Variants in HDAC9 observed in about 807,000 individuals in gnomAD.
HDAC9 encodes the protein histone deacetylase 9.
Under a neutral mutation model 139.4 loss-of-function variants are expected in HDAC9, and 41 were observed. The ratio of observed to expected loss-of-function variants is 0.29; its 90% confidence interval spans 0.23 to 0.38. HDAC9 has a LOEUF of 0.38. HDAC9 is among the 10% of genes least tolerant of loss of function. The pLI is 1.00. For synonymous variants in HDAC9, 517 were observed against 476.2 expected, an observed-to-expected ratio of 1.09 and a Z score of -1.12; for missense variants, 1,147 against 1,297.0, an observed-to-expected ratio of 0.88 and a Z score of 1.78.
At chr7:18,583,382 TAC>T (rs1828420554) in intron 2 of HDAC9, among the ~76,000 whole-genome samples, 8 of 152,062 alleles carry the variant, frequency 5.3e-5, no homozygotes, top group Admixed American at 4.6e-4. Flanking sequence ...TGAAAACTGG[TAC>T]ATGTAAAGAC....
chr7:18,739,772 G>A (rs930546681), intron 13 of HDAC9, among the ~76,000 whole-genome samples: 27 of 152,246 alleles, frequency 1.8e-4, no homozygotes, highest in Admixed American at 5.2e-4. Context: ...CTCAAATGCC[G>A]TGCTGGGAGA....
intron 11 of HDAC9, among the ~76,000 whole-genome samples, chr7:18,655,125 G>GT (rs889471441): frequency 6.6e-6 from 1 of 152,136 alleles, no homozygotes; most frequent in African/African-American, 2.4e-5. Context: ...AAAATGCCTT[G>GT]TTTTATGTTT....
intron 1 of HDAC9, among the ~76,000 whole-genome samples, chr7:18,107,061 G>A (rs991182164): frequency 1.6e-4 from 25 of 152,160 alleles, no homozygotes; most frequent in African/African-American, 5.3e-4. Flanking sequence ...TAAATAAAAT[G>A]TAGTGGACTG....
chr7:18,171,918 G>C (rs188204999), intron 2 of HDAC9, among the ~76,000 whole-genome samples: 15 of 152,088 alleles, frequency 9.9e-5, no homozygotes, highest in South Asian at 4.1e-4. Flanking sequence ...TTTTTGTTGC[G>C]TCTCTGACAG....
intron 6 of HDAC9, among the ~76,000 whole-genome samples, chr7:18,608,410 C>T (rs1320490806): frequency 6.6e-6 from 1 of 151,998 alleles, no homozygotes; most frequent in Non-Finnish European, 1.5e-5. Context: ...TGTGTATCAG[C>T]CTCCTGTTTT....
At chr7:18,284,434 C>G (rs796988609) in intron 2 of HDAC9, among the ~76,000 whole-genome samples, 1 of 152,096 alleles carries the variant, frequency 6.6e-6, no homozygotes, top group Non-Finnish European at 1.5e-5. Context: ...CAGTTGTGTG[C>G]TTTTACCCAA....
chr7:18,798,278 T>A (rs1181166995), intron 17 of HDAC9, among the ~76,000 whole-genome samples: 3 of 152,164 alleles, frequency 2.0e-5, no homozygotes, highest in African/African-American at 7.2e-5. Flanking sequence ...TCAAAAATTC[T>A]TTTCTCCATA....
chr7:18,473,484 A>G (rs936770851), intron 1 of HDAC9, among the ~76,000 whole-genome samples: 4 of 152,238 alleles, frequency 2.6e-5, no homozygotes, highest in African/African-American at 9.6e-5. Context: ...TTCACAGCCC[A>G]GGTGCACATG....
intron 2 of HDAC9, among the ~76,000 whole-genome samples, chr7:18,503,590 T>A (rs1238726190): frequency 6.6e-6 from 1 of 152,220 alleles, no homozygotes; most frequent in Non-Finnish European, 1.5e-5. Flanking sequence ...GGGCTTTTCG[T>A]GTACAGTGTT....
At chr7:18,951,968 G>A (rs1203885957) in intron 23 of HDAC9, among the ~76,000 whole-genome samples, 3 of 151,750 alleles carry the variant, frequency 2.0e-5, no homozygotes, top group East Asian at 1.9e-4. Flanking sequence ...CCAACGGAGA[G>A]AATATTATCC....
chr7:18,708,393 G>A (rs1478123686), intron 12 of HDAC9, among the ~76,000 whole-genome samples: 3 of 152,170 alleles, frequency 2.0e-5, no homozygotes, highest in Non-Finnish European at 2.9e-5. Context: ...GTATTTGTGT[G>A]TCCACATGGC....
intron 24 of HDAC9, among the ~76,000 whole-genome samples, chr7:18,973,985 G>C (rs1470450853): frequency 1.3e-5 from 2 of 152,074 alleles, no homozygotes; most frequent in African/African-American, 4.8e-5. Context: ...TGAAGTCCAG[G>C]ATCATCAGAG....
intron 8 of HDAC9, among the ~76,000 whole-genome samples, chr7:18,643,105 G>T (rs1333550136): frequency 6.6e-6 from 1 of 151,822 alleles, no homozygotes; most frequent in African/African-American, 2.4e-5. Context: ...TTCCTTATAT[G>T]TTCCTTTTGT....
At chr7:18,810,775 G>A (rs1452986526) in intron 17 of HDAC9, among the ~76,000 whole-genome samples, 2 of 151,710 alleles carry the variant, frequency 1.3e-5, no homozygotes, top group Non-Finnish European at 3.0e-5. Context: ...TAGAGTATGT[G>A]GTCTTTTCTA....
At chr7:18,241,869 G>A (rs944555311) in intron 2 of HDAC9, among the ~76,000 whole-genome samples, 1 of 152,190 alleles carries the variant, frequency 6.6e-6, no homozygotes, top group Non-Finnish European at 1.5e-5. Flanking sequence ...ATGCCACAAG[G>A]CTGTGCTGGG....
intron 22 of HDAC9, among the ~76,000 whole-genome samples, chr7:18,927,877 G>A (rs1804373221): frequency 6.6e-6 from 1 of 152,078 alleles, no homozygotes; most frequent in Non-Finnish European, 1.5e-5. Context: ...AATCATTTTT[G>A]TTGTTTCTTT....
chr7:18,297,174 A>ATAGCTAATG (rs1798205424), intron 1 of HDAC9, among the ~76,000 whole-genome samples: 1 of 152,206 alleles, frequency 6.6e-6, no homozygotes, highest in Non-Finnish European at 1.5e-5. Context: ...GGGAATGCCC[A>ATAGCTAATG]TAGCTAATGG....
chr7:18,274,344 C>T, intron 2 of HDAC9, among the ~76,000 whole-genome samples: 1 of 152,124 alleles, frequency 6.6e-6, no homozygotes, highest in Non-Finnish European at 1.5e-5. Flanking sequence ...AGAAGGTAAG[C>T]AGGCATGTGC....
intron 2 of HDAC9, among the ~76,000 whole-genome samples, chr7:18,222,704 A>G (rs1792789635): frequency 6.6e-6 from 1 of 152,128 alleles, no homozygotes; most frequent in Non-Finnish European, 1.5e-5. Context: ...TGATTGTACT[A>G]CATGTACTAT....
Sources: gnomAD v4.1 joint callset for allele counts (sites outside exome capture counted in the v4.1 genomes callset) on GRCh38, gnomAD v4.1.1 for gene constraint, MANE v1.5 for transcripts, NCBI Gene and HGNC (gene_info 2026-07-23, HGNC 2026-07-21) for gene names.